UGGT2: variants seen among roughly 807,000 people sequenced by gnomAD.
UGGT2 encodes UDP-glucose glycoprotein glucosyltransferase 2.
A neutral mutation model predicts 192.1 loss-of-function variants in UGGT2; 180 were observed. The observed-to-expected ratio is 0.94, with a 90% CI of 0.83 to 1.06. The LOEUF (loss-of-function observed/expected upper bound fraction) is 1.06. Among genes scored for constraint, UGGT2 ranks in the 50% least tolerant of loss-of-function variants. UGGT2 has a pLI of 0.00. For missense variants in UGGT2, 1,849 were observed against 1,795.7 expected, an observed-to-expected ratio of 1.03 and a Z score of -0.54; for synonymous variants, 580 against 591.0, an observed-to-expected ratio of 0.98 and a Z score of 0.27.
intron 1 of UGGT2, among the ~76,000 whole-genome samples, chr13:96,045,634 A>G (rs1170081520): frequency 2.0e-5 from 3 of 152,246 alleles, no homozygotes; most frequent in Admixed American, 6.5e-5. Flanking sequence ...AGAATTCAGC[A>G]AAGTTTCCAG....
intron 16 of UGGT2, among the ~76,000 whole-genome samples, chr13:95,937,589 T>C (rs1015639633): frequency 1.3e-5 from 2 of 152,226 alleles, no homozygotes; most frequent in African/African-American, 4.8e-5. Context: ...ACTGTGATTA[T>C]AGAGCTGAAA....
chr13:96,048,635 A>C (rs1384157274), intron 1 of UGGT2, among the ~76,000 whole-genome samples: 1 of 152,224 alleles, frequency 6.6e-6, no homozygotes, highest in Non-Finnish European at 1.5e-5. Context: ...TAGATGCAAT[A>C]AAAAATGATA....
In UGGT2 at chr13:95,982,012, T is replaced by C. The variant is rs527959280; in HGVS notation, c.1092+1792A>G. Among the ~76,000 whole-genome samples the C allele has an allele frequency of 4.6e-5, 7 of 152,336 alleles. No homozygotes were observed. The South Asian group carries it at 1.4e-3, about 32-fold the overall frequency. On this transcript the variant is annotated intron_variant, in intron 10 of 38. Transcript: ENST00000376747. Reference sequence around the variant, plus strand: ...ATCAAGAAGACTATCTGCAGTGTCATGATTATTTAGTTTACTAAATTCAAG... The same window carrying C: ...ATCAAGAAGACTATCTGCAGTGTCACGATTATTTAGTTTACTAAATTCAAG...
intron 2 of UGGT2, among the ~76,000 whole-genome samples, chr13:96,026,357 G>C (rs2052664110): frequency 6.6e-6 from 1 of 152,078 alleles, no homozygotes; most frequent in South Asian, 2.1e-4. Flanking sequence ...GCAGCATAAA[G>C]TCTGATTGTG....
At chr13:96,018,770 A>G (rs1247878605) in intron 4 of UGGT2, among the ~76,000 whole-genome samples, 1 of 151,696 alleles carries the variant, frequency 6.6e-6, no homozygotes, top group Non-Finnish European at 1.5e-5. Context: ...ACAAAAAACC[A>G]AGTGTTTAGC....
At chr13:95,939,891 A>C in intron 16 of UGGT2, 66 bp downstream of exon 16, 182 of 1,238,950 alleles carry the variant, frequency 1.5e-4, no homozygotes, top group Non-Finnish European at 1.9e-4. Flanking sequence ...CTACATGAGT[A>C]GAGATCATGT....
At chr13:95,937,230 A>T in intron 16 of UGGT2, 142 bp from the exon 17 acceptor site, 1 of 987,348 alleles carries the variant, frequency 1.0e-6, no homozygotes, top group African/African-American at 1.7e-5. Flanking sequence ...CTTTCCAAAC[A>T]TTGCCTAAAG....
At chr13:95,819,784 G>A (rs1039896387) in intron 38 of UGGT2, among the ~76,000 whole-genome samples, 2 of 152,104 alleles carry the variant, frequency 1.3e-5, no homozygotes, top group African/African-American at 2.4e-5. Flanking sequence ...TAGGTCAAAG[G>A]GGTAGAATCA....
At chr13:95,878,406 T>C (rs2140167189) in intron 27 of UGGT2, among the ~76,000 whole-genome samples, 1 of 152,308 alleles carries the variant, frequency 6.6e-6, no homozygotes, top group East Asian at 1.9e-4. Context: ...CACACTGATT[T>C]CTATTTCTTG....
chr13:96,027,612 T>C (rs910074664), intron 2 of UGGT2, among the ~76,000 whole-genome samples: 2 of 152,166 alleles, frequency 1.3e-5, no homozygotes, highest in African/African-American at 4.8e-5. Context: ...TCTTATTCCC[T>C]TCATAGTCAA....
intron 12 of UGGT2, among the ~76,000 whole-genome samples, chr13:95,961,120 A>C (rs896595400): frequency 6.6e-6 from 1 of 152,196 alleles, no homozygotes; most frequent in Admixed American, 6.5e-5. Context: ...CTGAAGTCAG[A>C]GAAAAGATTC....
At chr13:95,805,055 T>C (rs1388874441) in intron 38 of UGGT2, among the ~76,000 whole-genome samples, 1 of 151,962 alleles carries the variant, frequency 6.6e-6, no homozygotes, top group African/African-American at 2.4e-5. Flanking sequence ...GCCATTAATA[T>C]TTACAATATA....
intron 17 of UGGT2, among the ~76,000 whole-genome samples, chr13:95,931,754 C>T (rs1233098861): frequency 1.3e-5 from 2 of 152,276 alleles, no homozygotes; most frequent in Non-Finnish European, 1.5e-5. Flanking sequence ...TGAGCCCACG[C>T]CCACCCGGAA....
chr13:95,996,187 A>C (rs572292209), intron 6 of UGGT2, 52 bp from the exon 7 acceptor site: 6 of 1,503,150 alleles, frequency 4.0e-6, no homozygotes, highest in Non-Finnish European at 5.5e-6. Context: ...TCAGACTGGG[A>C]AAAGAACATG....
intron 4 of UGGT2, among the ~76,000 whole-genome samples, chr13:96,021,543 G>C (rs2052515880): frequency 3.3e-5 from 5 of 152,070 alleles, no homozygotes; most frequent in Admixed American, 2.6e-4. Context: ...AATTAAAGAT[G>C]TCAAATAATT....
intron 10 of UGGT2, among the ~76,000 whole-genome samples, chr13:95,980,024 G>A (rs902857121): frequency 6.6e-6 from 1 of 152,240 alleles, no homozygotes; most frequent in East Asian, 1.9e-4. Flanking sequence ...GGTGAAAAGG[G>A]AACACTTTTA....
At position 95,884,624 on chromosome 13, in the gene UGGT2, G is replaced by C. The variant is rs369600465; in HGVS notation, c.3095C>G (p.Ser1032Cys). Residue 1032 changes from serine to cysteine, a missense_variant, in exon 27 of 39, where the codon TCT becomes TGT. Ser to Cys is a moderately radical substitution (Grantham distance 112). Transcript: ENST00000376747. Reference sequence around the variant, plus strand: ...CAAAAATTTTGCCACTGGTCCAAGAGAAGAAACGTCATTAGCCCCTGACAT... The same window carrying C: ...CAAAAATTTTGCCACTGGTCCAAGACAAGAAACGTCATTAGCCCCTGACAT... ...ELMSGANDVS[S>C]LGPVAKFLDI... 5.5e-5 allele frequency: 88 copies of C among 1,613,728 alleles called. No individual in the cohort carries two copies. The highest frequency in any genetic ancestry group is 7.3e-5 in the Non-Finnish European group (86 of 1,179,836).
At chr13:95,811,762 T>C (rs1479638933) in intron 38 of UGGT2, among the ~76,000 whole-genome samples, 1 of 152,026 alleles carries the variant, frequency 6.6e-6, no homozygotes, top group Non-Finnish European at 1.5e-5. Flanking sequence ...GGTTGCAAGG[T>C]TCCTACACTA....
At chr13:95,987,381 C>CAT (rs1303290958) in intron 8 of UGGT2, among the ~76,000 whole-genome samples, 2 of 152,144 alleles carry the variant, frequency 1.3e-5, no homozygotes, top group African/African-American at 4.8e-5. Flanking sequence ...CTTACACAGA[C>CAT]ATTAGGGAGT....
Sources: gnomAD v4.1 joint callset for allele counts (sites outside exome capture counted in the v4.1 genomes callset) on GRCh38, gnomAD v4.1.1 for gene constraint, MANE v1.5 for transcripts, NCBI Gene and HGNC (gene_info 2026-07-23, HGNC 2026-07-21) for gene names.